FBXL19: variants seen among roughly 807,000 people sequenced by gnomAD.
The protein encoded by FBXL19 is F-box/LRR-repeat protein 19.
In FBXL19, 16 loss-of-function variants were observed where a neutral mutation model predicts 71.2. That is an observed-to-expected ratio of 0.22 (90% CI 0.15 to 0.34). The LOEUF is 0.34. FBXL19 is among the 10% of genes least tolerant of loss of function. The pLI is 1.00. For synonymous variants in FBXL19, 447 were observed against 409.4 expected (o/e 1.09, Z -1.11); for missense variants, 658 against 968.2 (o/e 0.68, Z 4.25).
intron 6 of FBXL19, among the ~76,000 whole-genome samples, chr16:30,929,581 CAG>C (rs1188739090): frequency 2.0e-5 from 3 of 150,474 alleles, no homozygotes; most frequent in East Asian, 1.9e-4. Context: ...ATTTTTGAGA[CAG>C]AGTCTCGCTC....
In FBXL19 at chr16:30,927,376, A is replaced by T; in HGVS notation, c.246A>T (p.Gly82=). Residue 82 remains glycine, a synonymous_variant, in exon 3 of 11, where the codon GGA becomes GGT. Transcript: ENST00000338343. ...CTGGGAAGGAGGACACGGTGGAGGG[A>T]GAGGAAGAGAAATTTGGTTTGAGCC... ...GEAGKEDTVE[G]EEEKFGLSLM... 6.3e-7 allele frequency: 1 copy of T among 1,592,852 alleles called. No homozygotes were observed. The highest frequency in any genetic ancestry group is 2.3e-5 in the East Asian group (1 of 44,146).
In FBXL19 at chr16:30,925,777, C is replaced by T. The variant is rs979469961; in HGVS notation, c.23C>T (p.Pro8Leu). MSSSSRG[P>L]GAGARRRRTR... The stretch of plus-strand genomic sequence containing the variant: ...CCAATGTCGTCGAGCAGCCGGGGGC[C>T]GGGGGCCGGAGCGCGCCGACGCCGA... Residue 8 changes from proline to leucine, a missense_variant, in exon 2 of 11, where the codon CCG becomes CTG. Transcript: ENST00000338343. The surrounding 1 kb of genome is among the most constrained non-coding windows in gnomAD (Gnocchi z 5.0). 2.0e-6 allele frequency: 3 copies of T among 1,486,398 alleles called. No homozygotes were observed. The highest frequency in any genetic ancestry group is 2.7e-6 in the Non-Finnish European group (3 of 1,122,970). The allele number at this position is 1,486,398 out of a possible 1,614,324, so 92.1% of individuals were successfully genotyped here.
At chr16:30,944,289 C>T (rs929727307) in intron 9 of FBXL19, among the ~76,000 whole-genome samples, 11 of 146,996 alleles carry the variant, frequency 7.5e-5, no homozygotes, top group South Asian at 2.1e-4. Flanking sequence ...TTTGTTGTAC[C>T]GATTATTTCA....
intron 7 of FBXL19, among the ~76,000 whole-genome samples, chr16:30,932,125 G>A (rs1026838876): frequency 1.3e-5 from 2 of 152,056 alleles, no homozygotes; most frequent in African/African-American, 2.4e-5. Context: ...GATAATCAAC[G>A]CTCTTGCATA....
chr16:30,942,022 A>G lies in FBXL19; in HGVS notation c.1302-94A>G. The G allele has an allele frequency of 7.3e-7, 1 of 1,366,310 alleles. No individual in the cohort carries two copies. The highest frequency in any genetic ancestry group is 9.7e-7 in the Non-Finnish European group (1 of 1,035,564). 84.6% of individuals were successfully genotyped at this position (1,366,310 alleles called of 1,614,324 possible). On this transcript the variant is annotated intron_variant, in intron 7 of 10. Transcript: ENST00000338343. The surrounding 1 kb of genome is among the most constrained non-coding windows in gnomAD (Gnocchi z 5.7). ...CCTGTTGTCTGTGTGGCCAGAAGAG[A>G]GCTGGGGTGCACCCTTGGAGCTGGG...
Position 30,925,190 on chromosome 16 carries a change from G to C in FBXL19, c.-24-541G>C, listed in dbSNP as rs970766765. On this transcript the variant is annotated intron_variant, in intron 1 of 10. Transcript: ENST00000338343. This position sits in a 1 kb window ranked among gnomAD's most constrained non-coding sequence, Gnocchi z 5.0. ...TCTGGTGAGGATAACTGGGTTGAGG[G>C]GAAGAGAGATTGGATGGCTGCTGTG... Among the ~76,000 whole-genome samples, 10 of 152,074 alleles carry C rather than the reference G, an allele frequency of 6.6e-5. No individual in the cohort carries two copies. The highest frequency in any genetic ancestry group is 1.9e-4 in the African/African-American group (8 of 41,392).
rs1462748687 is a variant in FBXL19, at chr16:30,927,353, G to C, written c.223G>C (p.Gly75Arg). The change falls in exon 3 of 11, where the codon GGG (glycine) becomes CGG (arginine). Residue 75 changes from glycine (G) to arginine (R), a missense_variant. Around this residue, in one of 8 missense-constraint regions of FBXL19, gnomAD observed 447 missense variants for 515.4 expected, o/e 0.87. Transcript: ENST00000338343. ...TGTGTGCCTCTTGTGTGGGGAGGCT[G>C]GGAAGGAGGACACGGTGGAGGGAGA... ...TAVCLLCGEA[G>R]KEDTVEGEEE... The C allele has an allele frequency of 6.3e-7, 1 of 1,587,134 alleles. No homozygotes were observed. Among genetic ancestry groups the C allele is most frequent in the Non-Finnish European group, 8.6e-7 (1 of 1,166,556 alleles).
In FBXL19 at chr16:30,928,448, C is replaced by T. The variant is rs754700850; in HGVS notation, c.628-19C>T. On this transcript the variant is annotated intron_variant, in intron 5 of 10. Coordinates refer to ENST00000338343, the MANE Select transcript of FBXL19 (RefSeq NM_001382779.1). ...ATGGGGTCTCTCCCTTCCTCCATAT[C>T]TCCCTCTCACCCTGGTAGGTGAAAG... 1 of 1,544,044 alleles carries T rather than the reference C, an allele frequency of 6.5e-7. No homozygotes were observed. Among genetic ancestry groups the T allele is most frequent in the Non-Finnish European group, 8.7e-7 (1 of 1,144,534 alleles).
At chr16:30,941,251 G>A (rs1207886991) in intron 7 of FBXL19, among the ~76,000 whole-genome samples, 1 of 152,140 alleles carries the variant, frequency 6.6e-6, no homozygotes, top group Non-Finnish European at 1.5e-5. Flanking sequence ...CAAGGCAGGA[G>A]GATCGCTTGA....
intron 2 of FBXL19, 132 bp from the exon 3 acceptor site, chr16:30,927,176 A>G (rs907269241): frequency 1.2e-5 from 11 of 899,532 alleles, no homozygotes; most frequent in African/African-American, 3.4e-5. Flanking sequence ...AAAAGGAGCA[A>G]ACTCAGGATC....
chr16:30,930,672 G>C lies in FBXL19; in HGVS notation c.1301+88G>C. 7.4e-7 allele frequency: 1 copy of C among 1,348,490 alleles called. No homozygotes were observed. The highest frequency in any genetic ancestry group is 9.6e-7 in the Non-Finnish European group (1 of 1,045,042). 83.5% of individuals were successfully genotyped at this position (1,348,490 alleles called of 1,614,324 possible). ...GCGGTAGGTCTCTGGCCCTCTCTGG[G>C]CCTTGCTTTTATATTGGGGATACTT... On this transcript the variant is annotated intron_variant, in intron 7 of 10. Coordinates refer to ENST00000338343, the MANE Select transcript of FBXL19 (RefSeq NM_001382779.1). The surrounding 1 kb of genome is among the most constrained non-coding windows in gnomAD (Gnocchi z 8.5).
chr16:30,923,437 T>C (rs1036233189), upstream of FBXL19, among the ~76,000 whole-genome samples: 5 of 147,806 alleles, frequency 3.4e-5, no homozygotes, highest in African/African-American at 1.3e-4. Context: ...GAGCCCTGCG[T>C]GCGTTCGTCC....
At position 30,942,916 on chromosome 16, in the gene FBXL19, C is replaced by T. The variant is rs1017412898; in HGVS notation, c.1627+380C>T. On this transcript the variant is annotated intron_variant, in intron 9 of 10. Coordinates refer to ENST00000338343, the MANE Select transcript of FBXL19 (RefSeq NM_001382779.1). This position sits in a 1 kb window ranked among gnomAD's most constrained non-coding sequence, Gnocchi z 5.7. ...AGAAGCTCTCCCTGATCCCACCCCA[C>T]ATTGAGCTCAGAGTCCCTCTCAGCT... is the stretch of plus-strand genomic sequence containing the variant. 3.9e-5 allele frequency among the ~76,000 whole-genome samples: 6 copies of T among 152,212 alleles called. No individual in the cohort carries two copies. The highest frequency in any genetic ancestry group is 1.4e-4 in the African/African-American group (6 of 41,454).
In FBXL19 at chr16:30,928,494, A is replaced by G; in HGVS notation, c.655A>G (p.Lys219Glu). ...GAAAGGAGGCCGAGAGAGGCACCTG[A>G]AGAAGGTGGGTGGAGACGCCTGCCT... ...KVKGGRERHL[K>E]KVGGDACLLR... Residue 219 changes from lysine (K) to glutamate (E), a missense_variant, in exon 6 of 11, where the codon AAG becomes GAG. Physicochemically the swap from Lys to Glu is moderately conservative, Grantham distance 56 (BLOSUM62 1). Coordinates refer to ENST00000338343, the MANE Select transcript of FBXL19 (RefSeq NM_001382779.1). The G allele has an allele frequency of 6.3e-7, 1 of 1,597,386 alleles. No homozygotes were observed. The highest frequency in any genetic ancestry group is 8.5e-7 in the Non-Finnish European group (1 of 1,171,688).
chr16:30,924,561 C>T (rs184740453), intron 1 of FBXL19, 102 bp downstream of exon 1: 9 of 1,333,388 alleles, frequency 6.7e-6, no homozygotes, highest in East Asian at 3.1e-5. Flanking sequence ...CCAGCCTCAC[C>T]CTCTCTCTAC....
rs1175271035 is a variant in FBXL19, at chr16:30,947,132, C to T, written c.1927C>T (p.Arg643Cys). The T allele has an allele frequency of 2.5e-6, 4 of 1,599,910 alleles. No individual in the cohort carries two copies. Among genetic ancestry groups the T allele is most frequent in the South Asian group, 2.2e-5 (2 of 90,850 alleles). The change falls in exon 11 of 11, where the codon CGC becomes TGC. Residue 643 changes from arginine (R) to cysteine (C), a missense_variant. Arg to Cys is a radical substitution (Grantham distance 180). Around this residue, in one of 8 missense-constraint regions of FBXL19, gnomAD observed 69 missense variants for 177.8 expected, o/e 0.39. Coordinates refer to ENST00000338343, the MANE Select transcript of FBXL19 (RefSeq NM_001382779.1). ...ACGCCGCCTAGACCTGCGCTCCTGC[C>T]GCCAGCTCTCACCCGAAGCTTGTGC... The part of the protein sequence containing the change: ...RLRRLDLRSC[R>C]QLSPEACARL...
At chr16:30,927,704 G>T (rs1424751170) in intron 4 of FBXL19, 41 bp from the exon 5 acceptor site, 2 of 1,556,728 alleles carry the variant, frequency 1.3e-6, no homozygotes, top group Non-Finnish European at 8.7e-7. Flanking sequence ...GGGTGTTGGG[G>T]AGCTGTGCAG....
chr16:30,923,520 G>GGGGGAGGAGGAGGAGGAGGA (rs2055549488), upstream of FBXL19, among the ~76,000 whole-genome samples: 1 of 146,892 alleles, frequency 6.8e-6, no homozygotes, highest in Non-Finnish European at 1.5e-5. Context: ...GGAGTAAAGA[G>GGGGGAGGAGGAGGAGGAGGA]GGGGAGGAGG....
intron 7 of FBXL19, among the ~76,000 whole-genome samples, chr16:30,938,675 C>T (rs991063672): frequency 3.9e-5 from 6 of 152,216 alleles, no homozygotes; most frequent in South Asian, 2.1e-4. Context: ...CTTGCTCTGT[C>T]GCCCAGGCTG....
Sources: gnomAD v4.1 joint callset for allele counts (sites outside exome capture counted in the v4.1 genomes callset) on GRCh38, gnomAD v4.1.1 for gene constraint, gnomAD v4.1.1 regional missense constraint, Gnocchi (gnomAD v3.1) non-coding constraint, MANE v1.5 for transcripts, NCBI Gene and HGNC (gene_info 2026-07-23, HGNC 2026-07-21) for gene names.